Variants in SPATS2 observed in about 807,000 individuals in gnomAD.
SPATS2 encodes the protein spermatogenesis-associated serine-rich protein 2.
Under a neutral mutation model 63.7 loss-of-function variants are expected in SPATS2, and 38 were observed. That is an observed-to-expected ratio of 0.60 (90% CI 0.46 to 0.78). The LOEUF (loss-of-function observed/expected upper bound fraction) is 0.78. Ranked by LOEUF, SPATS2 falls within the 30% of genes least tolerant of loss-of-function variation. The pLI, the probability that SPATS2 is intolerant of heterozygous loss-of-function variation, is 0.00. For missense variants in SPATS2, 588 were observed against 666.2 expected (o/e 0.88, Z 1.29); for synonymous variants, 207 against 232.9 (o/e 0.89, Z 1.01).
intron 1 of SPATS2, among the ~76,000 whole-genome samples, chr12:49,368,326 T>C (rs1312083179): frequency 6.6e-6 from 1 of 152,226 alleles, no homozygotes; most frequent in Non-Finnish European, 1.5e-5. Flanking sequence ...TGATATTTAC[T>C]TCCCCTCTGT....
intron 3 of SPATS2, among the ~76,000 whole-genome samples, chr12:49,475,445 G>T (rs1279458961): frequency 1.3e-5 from 2 of 152,022 alleles, no homozygotes; most frequent in African/African-American, 4.8e-5. Flanking sequence ...TGTTGTTGTT[G>T]TTGTTGTTGT....
At chr12:49,404,303 T>A (rs1313216421) in intron 2 of SPATS2, among the ~76,000 whole-genome samples, 1 of 150,966 alleles carries the variant, frequency 6.6e-6, no homozygotes, top group East Asian at 1.9e-4. Context: ...TTTTTTTTTT[T>A]AGAGATAAGA....
At chr12:49,435,787 C>T (rs932037616) in intron 2 of SPATS2, among the ~76,000 whole-genome samples, 4 of 150,186 alleles carry the variant, frequency 2.7e-5, no homozygotes, top group Admixed American at 6.6e-5. Flanking sequence ...GAGGACCCTG[C>T]GGCCTTCCGC....
intron 2 of SPATS2, among the ~76,000 whole-genome samples, chr12:49,416,471 TTTTTATTTTATTTTA>T (rs141815202): frequency 7.3e-5 from 11 of 150,916 alleles, no homozygotes; most frequent in South Asian, 2.1e-4. Flanking sequence ...TTTTATCACC[TTTTTATTTTATTTTA>T]TTTTATTTTA....
At chr12:49,409,321 T>C (rs956749389) in intron 2 of SPATS2, among the ~76,000 whole-genome samples, 1 of 152,150 alleles carries the variant, frequency 6.6e-6, no homozygotes, top group Admixed American at 6.5e-5. Context: ...GTTTTGTTTT[T>C]TTGAGACAGA....
At chr12:49,395,800 T>G (rs1944499376) in intron 2 of SPATS2, among the ~76,000 whole-genome samples, 1 of 152,240 alleles carries the variant, frequency 6.6e-6, no homozygotes, top group African/African-American at 2.4e-5. Context: ...AATCTTTTGT[T>G]GTACAATACT....
chr12:49,404,267 T>G (rs1398812016), intron 2 of SPATS2, among the ~76,000 whole-genome samples: 2 of 151,214 alleles, frequency 1.3e-5, no homozygotes, highest in African/African-American at 2.4e-5. Flanking sequence ...GGTTCTAGAG[T>G]TACAGACTTT....
chr12:49,420,679 C>A (rs1246442825), intron 2 of SPATS2, among the ~76,000 whole-genome samples: 1 of 152,072 alleles, frequency 6.6e-6, no homozygotes, highest in Non-Finnish European at 1.5e-5. Context: ...TAAAATGGTT[C>A]AAAGGACAAT....
At chr12:49,433,881 T>A (rs918902976) in intron 2 of SPATS2, among the ~76,000 whole-genome samples, 9 of 152,188 alleles carry the variant, frequency 5.9e-5, no homozygotes, top group African/African-American at 2.2e-4. Context: ...AGCTTTCCCC[T>A]TGTTTTCTTC....
intron 2 of SPATS2, among the ~76,000 whole-genome samples, chr12:49,374,163 C>G (rs1235099837): frequency 6.6e-6 from 1 of 151,786 alleles, no homozygotes; most frequent in Non-Finnish European, 1.5e-5. Context: ...CAGGGTTTTG[C>G]TCTGTCACCC....
At chr12:49,390,194 A>G (rs1944395882) in intron 2 of SPATS2, 2 of 1,337,974 alleles carry the variant, frequency 1.5e-6, no homozygotes, top group Non-Finnish European at 2.1e-6. Flanking sequence ...AGCTTCTTAC[A>G]TGGCTCCCAG....
Position 49,368,175 on chromosome 12 carries a change from T to C in SPATS2, c.-307+588T>C, listed in dbSNP as rs567228502. Among the ~76,000 whole-genome samples, 19 of 152,302 alleles carry C rather than the reference T, an allele frequency of 1.2e-4. No individual in the cohort carries two copies. The South Asian group carries it at 3.7e-3, about 30-fold the overall frequency. ...CAGTCAGTTTTGGACTACAGTGATA[T>C]TTTTCTCATAATTCATCCAGAATGA... is the stretch of plus-strand genomic sequence containing the variant. On this transcript the variant is annotated intron_variant, in intron 1 of 13. Coordinates refer to ENST00000552918, the MANE Select transcript of SPATS2 (RefSeq NM_023071.4).
At chr12:49,471,427 T>C (rs947525093) in intron 3 of SPATS2, among the ~76,000 whole-genome samples, 2 of 152,128 alleles carry the variant, frequency 1.3e-5, no homozygotes, top group African/African-American at 4.8e-5. Context: ...GCCTCAAACA[T>C]TTGAGCTCAA....
chr12:49,396,455 C>G (rs1248224463), intron 2 of SPATS2, among the ~76,000 whole-genome samples: 1 of 152,128 alleles, frequency 6.6e-6, no homozygotes, highest in Non-Finnish European at 1.5e-5. Flanking sequence ...TTTCTTTAAC[C>G]CTGAACTTGA....
intron 2 of SPATS2, among the ~76,000 whole-genome samples, chr12:49,407,652 C>T (rs753389234): frequency 6.6e-6 from 1 of 152,112 alleles, no homozygotes; most frequent in Non-Finnish European, 1.5e-5. Flanking sequence ...GGCTCTCTAT[C>T]GCCTTTACCC....
rs374735028 is a variant in SPATS2 at position 49,494,839 on chromosome 12, G to T, written c.363G>T (p.Ala121=). 13 of 1,613,668 alleles carry T rather than the reference G, an allele frequency of 8.1e-6. No homozygotes were observed. In the African/African-American group the frequency reaches 1.5e-4, roughly 18 times the overall value. The change falls in exon 7 of 14, where the codon GCG becomes GCT. Residue 121 remains alanine, a synonymous_variant. Coordinates refer to ENST00000552918, the MANE Select transcript of SPATS2 (RefSeq NM_023071.4). ...KSVSIQEEQS[A]PSSEKGGMNG... ...TTTCCATTCAAGAGGAACAGTCTGCGCCTTCCTCAGAGAAAGGTGGTATGA... is the reference window on the plus strand; with the variant it reads ...TTTCCATTCAAGAGGAACAGTCTGCTCCTTCCTCAGAGAAAGGTGGTATGA...
At position 49,496,996 on chromosome 12, in the gene SPATS2, C is replaced by G. The variant is rs1330126939; in HGVS notation, c.690C>G (p.Thr230=). 7.8e-6 allele frequency: 12 copies of G among 1,546,264 alleles called. No individual in the cohort carries two copies. The highest frequency in any genetic ancestry group is 9.6e-6 in the Non-Finnish European group (11 of 1,149,350). The change falls in exon 8 of 14, where the codon ACC becomes ACG. Residue 230 remains threonine (T), a synonymous_variant. Coordinates refer to ENST00000552918, the MANE Select transcript of SPATS2 (RefSeq NM_023071.4). ...GGATGGAAGATGTTCCCCTCGCCAC[C>G]AGTAAAAAGCTAAGTAAGTCAGAGG... is the stretch of plus-strand genomic sequence containing the variant. ...NMGMEDVPLA[T]SKKLSSNIEK...
chr12:49,461,871 C>T (rs868355104), intron 3 of SPATS2, among the ~76,000 whole-genome samples: 1 of 152,140 alleles, frequency 6.6e-6, no homozygotes, highest in African/African-American at 2.4e-5. Context: ...AGAATCTGAG[C>T]TCTAAGGAAT....
chr12:49,487,219 G>T (rs943272943), intron 4 of SPATS2, among the ~76,000 whole-genome samples: 4 of 152,160 alleles, frequency 2.6e-5, no homozygotes, highest in Non-Finnish European at 5.9e-5. Context: ...AGGCGCGATG[G>T]CTCATGCTTG....
Sources: gnomAD v4.1 joint callset for allele counts (sites outside exome capture counted in the v4.1 genomes callset) on GRCh38, gnomAD v4.1.1 for gene constraint, MANE v1.5 for transcripts, NCBI Gene and HGNC (gene_info 2026-07-23, HGNC 2026-07-21) for gene names.